The following BLNK variants were observed in gnomAD, a reference collection of about 807,000 sequenced individuals.
BLNK encodes B cell linker.
In BLNK, 29 loss-of-function variants were observed where a neutral mutation model predicts 73.5. The observed-to-expected ratio is 0.39, with a 90% CI of 0.29 to 0.54. The LOEUF (loss-of-function observed/expected upper bound fraction) is 0.54. BLNK is among the 20% of genes least tolerant of loss of function. The probability of loss-of-function intolerance (pLI) is 0.61; values close to 1 mark genes in which losing one functional copy is unlikely to be tolerated. For missense variants in BLNK, 460 were observed against 562.8 expected (o/e 0.82, Z 1.85); for synonymous variants, 176 against 200.8 (o/e 0.88, Z 1.04).
chr10:96,205,076 G>C (rs146382642), intron 11 of BLNK: 2,077 of 185,594 alleles, frequency 0.011, 88 homozygotes, highest in Admixed American at 0.084. Flanking sequence ...GCACACTACT[G>C]AGTTCATAAA....
intron 15 of BLNK, among the ~76,000 whole-genome samples, chr10:96,199,048 A>AT (rs2083555686): frequency 6.6e-6 from 1 of 152,156 alleles, no homozygotes; most frequent in African/African-American, 2.4e-5. Context: ...TGTAAACACG[A>AT]TTTTTCCTCA....
Position 96,189,657 on chromosome 10 carries a change from T to C in BLNK, c.*2316A>G. On this transcript the variant is annotated 3_prime_UTR_variant, in exon 17 of 17. Transcript: ENST00000224337. ...TGCATTTTTGGCTGGAGTATGTAGA[T>C]TTCTTCAATGGTGCTTTTTCTTCAG... 1.4e-6 allele frequency: 1 copy of C among 717,134 alleles called. No homozygotes were observed. The highest frequency in any genetic ancestry group is 2.6e-6 in the Non-Finnish European group (1 of 386,950). The allele number at this position is 717,134 out of a possible 1,614,324, so 44.4% of individuals were successfully genotyped here.
chr10:96,207,968 T>G (rs1215609684), intron 9 of BLNK, 69 bp from the exon 10 acceptor site: 1 of 1,505,508 alleles, frequency 6.6e-7, no homozygotes, highest in African/African-American at 1.4e-5. Context: ...TTACCATTAT[T>G]TTAGTCTCAA....
intron 1 of BLNK, among the ~76,000 whole-genome samples, chr10:96,262,933 C>T (rs547504607): frequency 6.6e-6 from 1 of 152,318 alleles, no homozygotes; most frequent in Non-Finnish European, 1.5e-5. Context: ...GAGGGGTCGT[C>T]TAGAGCTTGA....
chr10:96,215,070 G>A (rs1240488952), intron 8 of BLNK, among the ~76,000 whole-genome samples: 1 of 152,100 alleles, frequency 6.6e-6, no homozygotes, highest in East Asian at 1.9e-4. Flanking sequence ...TCAAGGAAGG[G>A]GACACAGAGA....
intron 1 of BLNK, among the ~76,000 whole-genome samples, chr10:96,252,112 C>T (rs914733556): frequency 1.4e-4 from 22 of 152,120 alleles, no homozygotes; most frequent in Non-Finnish European, 2.6e-4. Context: ...GGTGCAATGG[C>T]GTGATCTCGG....
At chr10:96,254,165 T>C (rs1040613847) in intron 1 of BLNK, among the ~76,000 whole-genome samples, 35 of 152,138 alleles carry the variant, frequency 2.3e-4, no homozygotes, top group African/African-American at 8.4e-4. Flanking sequence ...CCATCCACCA[T>C]AGCCTGGAAT....
At chr10:96,213,137 C>T (rs1258013123) in intron 8 of BLNK, among the ~76,000 whole-genome samples, 3 of 152,170 alleles carry the variant, frequency 2.0e-5, no homozygotes, top group Non-Finnish European at 2.9e-5. Context: ...TGTTTGAGGA[C>T]TCATTCACCC....
chr10:96,220,502 A>G (rs1484968197), intron 6 of BLNK, among the ~76,000 whole-genome samples: 1 of 152,210 alleles, frequency 6.6e-6, no homozygotes, highest in Non-Finnish European at 1.5e-5. Context: ...TATTCCCAGC[A>G]TTGCAATTCA....
At chr10:96,218,638 G>A (rs2084122656) in intron 6 of BLNK, among the ~76,000 whole-genome samples, 1 of 150,488 alleles carries the variant, frequency 6.6e-6, no homozygotes, top group African/African-American at 2.4e-5. Flanking sequence ...AGGCTGCAGT[G>A]AGTTGTGATT....
chr10:96,210,297 C>A, intron 8 of BLNK: 1 of 294,816 alleles, frequency 3.4e-6, no homozygotes, highest in South Asian at 3.7e-5. Flanking sequence ...GCACACTGCA[C>A]AAATGTGCAC....
chr10:96,211,104 T>C (rs2083937718), intron 8 of BLNK, among the ~76,000 whole-genome samples: 1 of 152,066 alleles, frequency 6.6e-6, no homozygotes, highest in Non-Finnish European at 1.5e-5. Flanking sequence ...ACTCAATCCA[T>C]CCACCTGCCT....
At chr10:96,234,763 C>T (rs182617229) in intron 3 of BLNK, among the ~76,000 whole-genome samples, 6 of 152,296 alleles carry the variant, frequency 3.9e-5, no homozygotes, top group South Asian at 2.1e-4. Flanking sequence ...TTTACTCCCA[C>T]GTCAATCACA....
At chr10:96,218,673 T>G (rs1554900379) in intron 6 of BLNK, among the ~76,000 whole-genome samples, 3 of 121,688 alleles carry the variant, frequency 2.5e-5, no homozygotes, top group Non-Finnish European at 5.2e-5. Flanking sequence ...AATGAGACCT[T>G]GTCTCCAAAA....
Position 96,223,821 on chromosome 10 carries a change from T to C in BLNK, c.525+5A>G. ...TGGGAAGCCTTTGGCACAGATTTAC[T>C]TTACCTCATCCTCAAGGAGGCCTTT... On this transcript the variant is annotated splice_donor_5th_base_variant and intron_variant, in intron 6 of 16. Coordinates refer to ENST00000224337, the MANE Select transcript of BLNK (RefSeq NM_013314.4). The C allele has an allele frequency of 6.2e-7, 1 of 1,613,590 alleles. No homozygotes were observed. Among genetic ancestry groups the C allele is most frequent in the Non-Finnish European group, 8.5e-7 (1 of 1,179,962 alleles).
At chr10:96,253,745 A>G (rs7085174) in intron 1 of BLNK, among the ~76,000 whole-genome samples, 33,634 of 151,956 alleles carry the variant, frequency 0.22, 4,951 homozygotes, top group East Asian at 0.58. Flanking sequence ...GCTGGGTGCG[A>G]TGGCTCACGC....
At chr10:96,229,408 G>A (rs192930688) in intron 4 of BLNK, among the ~76,000 whole-genome samples, 45 of 152,276 alleles carry the variant, frequency 3.0e-4, no homozygotes, top group South Asian at 1.0e-3. Context: ...TTCATTCTGC[G>A]TGCAGTGGGG....
At position 96,216,675 on chromosome 10, in the gene BLNK, G is replaced by T; in HGVS notation, c.585C>A (p.Ser195Arg). The change falls in exon 7 of 17, where the codon AGC becomes AGA. Residue 195 changes from serine to arginine, a missense_variant. Around this residue, in one of 3 missense-constraint regions of BLNK, gnomAD observed 233 missense variants for 232.1 expected, o/e 1.00. Coordinates refer to ENST00000224337, the MANE Select transcript of BLNK (RefSeq NM_013314.4). The stretch of plus-strand genomic sequence containing the variant: ...TACCTTTTTCAGGTGGAGGTGAACT[G>T]CTTTCTGTGGGATGAATATAGTTTT... ...NDENYIHPTE[S>R]SSPPPEKAPM... is the part of the protein sequence containing the mutation. The T allele has an allele frequency of 6.2e-7, 1 of 1,614,094 alleles. No individual in the cohort carries two copies. Among genetic ancestry groups the T allele is most frequent in the Non-Finnish European group, 8.5e-7 (1 of 1,179,976 alleles).
intron 5 of BLNK, among the ~76,000 whole-genome samples, chr10:96,226,934 C>T (rs1322420594): frequency 1.3e-5 from 2 of 152,000 alleles, no homozygotes; most frequent in Non-Finnish European, 2.9e-5. Flanking sequence ...CACCTGTATC[C>T]CCTGGTAAAA....
Sources: allele counts gnomAD v4.1 joint callset (sites outside exome capture counted in the v4.1 genomes callset), GRCh38; gene constraint gnomAD v4.1.1; regional missense constraint gnomAD v4.1.1; transcripts MANE v1.5; gene names NCBI Gene and HGNC (gene_info 2026-07-23, HGNC 2026-07-21).